TDRD15: variants seen among roughly 807,000 people sequenced by gnomAD.
TDRD15 encodes the protein tudor domain containing 15.
For missense variants in TDRD15, 1,416 were observed against 904.7 expected (o/e 1.57, Z -7.25); for synonymous variants, 503 against 314.5 (o/e 1.60, Z -6.34).
At position 21,137,465 on chromosome 2, in the gene TDRD15, A is replaced by C. The variant is rs1288448856; in HGVS notation, c.-3A>C. 1.6e-6 allele frequency: 1 copy of C among 622,398 alleles called. No individual in the cohort carries two copies. The highest frequency in any genetic ancestry group is 1.8e-5 in the African/African-American group (1 of 54,058). The allele number at this position is 622,398 out of a possible 1,614,324, so 38.6% of individuals were successfully genotyped here. A position where few individuals can be genotyped will look rare whatever the true frequency, so the allele number is the denominator to read the frequency against. ...TGAGTAATTATTATTTGCTTTTTAG[A>C]AAATGGATTCTACATCTTTCTTACC... On this transcript the variant is annotated splice_region_variant and 5_prime_UTR_variant, in exon 4 of 4. Coordinates refer to ENST00000405799, the MANE Select transcript of TDRD15 (RefSeq NM_001306137.2).
rs772697456 is a variant in TDRD15 at position 21,139,106 on chromosome 2, C to T, written c.1639C>T (p.Arg547Cys). 4.9e-5 allele frequency: 35 copies of T among 714,592 alleles called. No homozygotes were observed. Among genetic ancestry groups the T allele is most frequent in the Middle Eastern group, 2.3e-4 (1 of 4,350 alleles). The allele number at this position is 714,592 out of a possible 1,614,324, so 44.3% of individuals were successfully genotyped here. A position where few individuals can be genotyped will look rare whatever the true frequency, so the allele number is the denominator to read the frequency against. Residue 547 changes from arginine to cysteine, a missense_variant, in exon 4 of 4, where the codon CGT (arginine) becomes TGT (cysteine). Coordinates refer to ENST00000405799, the MANE Select transcript of TDRD15 (RefSeq NM_001306137.2). The stretch of plus-strand genomic sequence containing the variant: ...TTGTGCTAGATATAGCAAGGACAGA[C>T]GTTTTTACAGAGCTGTCATCACTGA... ...FCCARYSKDR[R>C]FYRAVITEIN...
At chr2:21,132,816 T>TGGTA (rs1052039478) in intron 2 of TDRD15, among the ~76,000 whole-genome samples, 1 of 152,178 alleles carries the variant, frequency 6.6e-6, no homozygotes, top group Non-Finnish European at 1.5e-5. Context: ...TTTATCTACC[T>TGGTA]GGTATTTATT....
intron 2 of TDRD15, among the ~76,000 whole-genome samples, chr2:21,128,130 C>T (rs564858577): frequency 6.6e-5 from 10 of 152,260 alleles, no homozygotes; most frequent in Non-Finnish European, 1.0e-4. Flanking sequence ...TATGAACTTT[C>T]ATTCTCCACG....
At position 21,142,214 on chromosome 2, in the gene TDRD15, G is replaced by A. The variant is rs1665949826; in HGVS notation, c.4747G>A (p.Ala1583Thr). 1 of 691,544 alleles carries A rather than the reference G, an allele frequency of 1.4e-6. No homozygotes were observed. Among genetic ancestry groups the A allele is most frequent in the Non-Finnish European group, 2.6e-6 (1 of 377,850 alleles). 42.8% of individuals were successfully genotyped at this position (691,544 alleles called of 1,614,324 possible). Residue 1583 changes from alanine (A) to threonine (T), a missense_variant, in exon 4 of 4, where the codon GCA (alanine) becomes ACA (threonine). By Grantham distance (58) the Ala-to-Thr change is moderately conservative (BLOSUM62 0). Coordinates refer to ENST00000405799, the MANE Select transcript of TDRD15 (RefSeq NM_001306137.2). ...ESIEKGLECL[A>T]KSKNTLKWHR... Reference sequence around the variant, plus strand: ...TATTGAAAAAGGTTTAGAATGCTTGGCAAAATCTAAAAATACCTTGAAATG... The same window carrying A: ...TATTGAAAAAGGTTTAGAATGCTTGACAAAATCTAAAAATACCTTGAAATG...
chr2:21,139,994 A>T lies in TDRD15; in HGVS notation c.2527A>T (p.Ile843Phe), dbSNP rs898454607. 6 of 715,778 alleles carry T rather than the reference A, an allele frequency of 8.4e-6. No individual in the cohort carries two copies. Among genetic ancestry groups the T allele is most frequent in the African/African-American group, 3.5e-5 (2 of 57,140 alleles). The allele number at this position is 715,778 out of a possible 1,614,324, so 44.3% of individuals were successfully genotyped here. A position where few individuals can be genotyped will look rare whatever the true frequency, so the allele number is the denominator to read the frequency against. Residue 843 changes from isoleucine to phenylalanine, a missense_variant, in exon 4 of 4, where the codon ATT becomes TTT. Coordinates refer to ENST00000405799, the MANE Select transcript of TDRD15 (RefSeq NM_001306137.2). ...VDYGYQKRVL[I>F]EDLCAINPRF... Reference sequence around the variant, plus strand: ...TTATGGTTACCAAAAAAGGGTTTTAATTGAAGATCTTTGTGCAATTAACCC... The same window carrying T: ...TTATGGTTACCAAAAAAGGGTTTTATTTGAAGATCTTTGTGCAATTAACCC...
chr2:21,138,649 G>A lies in TDRD15; in HGVS notation c.1182G>A (p.Glu394=), dbSNP rs1038936158. ...YAHIDWFNKD[E]CLYYVTLQTQ... ...ACATTGATTGGTTCAATAAGGATGAGTGTTTGTATTATGTGACATTACAAA... is the reference window on the plus strand; with the variant it reads ...ACATTGATTGGTTCAATAAGGATGAATGTTTGTATTATGTGACATTACAAA... Residue 394 remains glutamate (E), a synonymous_variant, in exon 4 of 4, where the codon GAG becomes GAA. Coordinates refer to ENST00000405799, the MANE Select transcript of TDRD15 (RefSeq NM_001306137.2). 5 of 714,802 alleles carry A rather than the reference G, an allele frequency of 7.0e-6. No homozygotes were observed. The South Asian group carries it at 7.4e-5, about 11-fold the overall frequency. The allele number at this position is 714,802 out of a possible 1,614,324, so 44.3% of individuals were successfully genotyped here.
Position 21,139,804 on chromosome 2 carries a change from A to G in TDRD15, c.2337A>G (p.Ser779=), listed in dbSNP as rs773086493. ...TTTCATGCCAGCTCCAATGTAAGTC[A>G]GAAGACCTAAAATTACTAATGGAGC... is the stretch of plus-strand genomic sequence containing the variant. The part of the protein sequence containing the change: ...GDFSCQLQCK[S]EDLKLLMEQI... Residue 779 remains serine, a synonymous_variant, in exon 4 of 4, where the codon TCA becomes TCG. Transcript: ENST00000405799. 2.2e-5 allele frequency: 16 copies of G among 715,354 alleles called. No individual in the cohort carries two copies. Among genetic ancestry groups the G allele is most frequent in the East Asian group, 5.4e-5 (2 of 37,268 alleles). The allele number at this position is 715,354 out of a possible 1,614,324, so 44.3% of individuals were successfully genotyped here.
At position 21,140,161 on chromosome 2, in the gene TDRD15, G is replaced by T; in HGVS notation, c.2694G>T (p.Leu898Phe). ...TTATCTCTTCATCTAGAGGGTTATT[G>T]ACTTGTATCATCTATGCCTTAGTTA... ...WNFISSSRGLLTCIIYALVII... is the reference protein window; with the variant it reads ...WNFISSSRGLFTCIIYALVII... Residue 898 changes from leucine (L) to phenylalanine (F), a missense_variant, in exon 4 of 4, where the codon TTG becomes TTT. Physicochemically the swap from Leu to Phe is conservative, Grantham distance 22. Transcript: ENST00000405799. 2.8e-6 allele frequency: 2 copies of T among 715,686 alleles called. No homozygotes were observed. Among genetic ancestry groups the T allele is most frequent in the South Asian group, 1.5e-5 (1 of 67,522 alleles). 44.3% of individuals were successfully genotyped at this position (715,686 alleles called of 1,614,324 possible).
chr2:21,126,147 C>T (rs1318170716), intron 1 of TDRD15, among the ~76,000 whole-genome samples: 1 of 152,104 alleles, frequency 6.6e-6, no homozygotes, highest in Non-Finnish European at 1.5e-5. Context: ...TAAACGACAT[C>T]GTAAGCATAT....
At chr2:21,127,538 T>C (rs1220312518) in intron 1 of TDRD15, 63 bp from the exon 2 acceptor site, 3 of 152,218 alleles carry the variant, frequency 2.0e-5, no homozygotes, top group Non-Finnish European at 4.4e-5. Context: ...TGTTACAGCA[T>C]CATTTGTCGA....
chr2:21,138,318 A>G lies in TDRD15; in HGVS notation c.851A>G (p.Glu284Gly). 1 of 716,584 alleles carries G rather than the reference A, an allele frequency of 1.4e-6. No individual in the cohort carries two copies. The highest frequency in any genetic ancestry group is 2.0e-5 in the Admixed American group (1 of 49,948). The allele number at this position is 716,584 out of a possible 1,614,324, so 44.4% of individuals were successfully genotyped here. A position where few individuals can be genotyped will look rare whatever the true frequency, so the allele number is the denominator to read the frequency against. The change falls in exon 4 of 4, where the codon GAA (glutamate) becomes GGA (glycine). Residue 284 changes from glutamate to glycine, a missense_variant. Physicochemically the swap from Glu to Gly is moderately conservative, Grantham distance 98. Coordinates refer to ENST00000405799, the MANE Select transcript of TDRD15 (RefSeq NM_001306137.2). ...MTLHYDTVCQETSPTCDNFGL... is the reference protein window; with the variant it reads ...MTLHYDTVCQGTSPTCDNFGL... ...TTGCATTATGATACCGTCTGTCAAG[A>G]AACTAGTCCCACGTGTGATAATTTT...
chr2:21,129,990 G>A (rs191492706), intron 2 of TDRD15, among the ~76,000 whole-genome samples: 1 of 152,128 alleles, frequency 6.6e-6, no homozygotes, highest in African/African-American at 2.4e-5. Context: ...GCTAGTTCAA[G>A]TCCTTCCTCT....
Position 21,138,254 on chromosome 2 carries a change from T to G in TDRD15, c.787T>G (p.Trp263Gly). The change falls in exon 4 of 4, where the codon TGG becomes GGG. Residue 263 changes from tryptophan to glycine, a missense_variant. Transcript: ENST00000405799. ...TAAATTTTATTGTCAGTTAATTAAA[T>G]GGACTCCAGAGCTAGAAAACTTGAC... ...PSKFYCQLIK[W>G]TPELENLTAH... is the part of the protein sequence containing the mutation. 4.2e-6 allele frequency: 3 copies of G among 716,006 alleles called. No homozygotes were observed. In the East Asian group the frequency reaches 8.0e-5, roughly 19 times the overall value. The allele number at this position is 716,006 out of a possible 1,614,324, so 44.4% of individuals were successfully genotyped here. A position where few individuals can be genotyped will look rare whatever the true frequency, so the allele number is the denominator to read the frequency against.
intron 3 of TDRD15, 102 bp from the exon 4 acceptor site, chr2:21,137,361 AAT>A: frequency 2.1e-6 from 1 of 484,218 alleles, no homozygotes; most frequent in Non-Finnish European, 3.7e-6. Context: ...AATTTGATAA[AAT>A]ACAGGCATAT....
chr2:21,136,429 G>A (rs1665808203), intron 3 of TDRD15, among the ~76,000 whole-genome samples: 1 of 151,852 alleles, frequency 6.6e-6, no homozygotes, highest in African/African-American at 2.4e-5. Flanking sequence ...CAGTTGTTAT[G>A]TTTTCACCTT....
chr2:21,125,571 T>C (rs1665572915), intron 1 of TDRD15, among the ~76,000 whole-genome samples: 1 of 152,030 alleles, frequency 6.6e-6, no homozygotes, highest in East Asian at 1.9e-4. Flanking sequence ...TGGAGGTGTT[T>C]TTCCGAAGAA....
In TDRD15 at chr2:21,137,911, A is replaced by G. The variant is rs878913029; in HGVS notation, c.444A>G (p.Val148=). The change falls in exon 4 of 4, where the codon GTA becomes GTG. Residue 148 remains valine, a synonymous_variant. Coordinates refer to ENST00000405799, the MANE Select transcript of TDRD15 (RefSeq NM_001306137.2). ...CTTTGAATTATTTCAAGTCATTAGTAGGAATACAAGTGAAAGGTTATGTGC... is the reference window on the plus strand; with the variant it reads ...CTTTGAATTATTTCAAGTCATTAGTGGGAATACAAGTGAAAGGTTATGTGC... ...PKALNYFKSL[V]GIQVKGYVQA... 1.4e-6 allele frequency: 1 copy of G among 716,410 alleles called. No individual in the cohort carries two copies. Among genetic ancestry groups the G allele is most frequent in the South Asian group, 1.5e-5 (1 of 67,452 alleles). 44.4% of individuals were successfully genotyped at this position (716,410 alleles called of 1,614,324 possible).
In TDRD15 at chr2:21,143,665, C is replaced by A. The variant is rs778403307; in HGVS notation, c.*393C>A. ...AACATTGCATGATAATAAAAAAAAA[C>A]ACAGAACACTTAAAAGGTAAACAGA... is the stretch of plus-strand genomic sequence containing the variant. On this transcript the variant is annotated 3_prime_UTR_variant, in exon 4 of 4. Coordinates refer to ENST00000405799, the MANE Select transcript of TDRD15 (RefSeq NM_001306137.2). 1.3e-5 allele frequency among the ~76,000 whole-genome samples: 2 copies of A among 151,372 alleles called. No homozygotes were observed. The highest frequency in any genetic ancestry group is 2.4e-5 in the African/African-American group (1 of 41,316).
At chr2:21,131,547 T>C (rs747991386) in intron 2 of TDRD15, among the ~76,000 whole-genome samples, 6 of 152,208 alleles carry the variant, frequency 3.9e-5, no homozygotes, top group Non-Finnish European at 7.3e-5. Flanking sequence ...ACTACGTATC[T>C]GTGTATAGCT....
Sources: gnomAD v4.1 joint callset for allele counts (sites outside exome capture counted in the v4.1 genomes callset) on GRCh38, gnomAD v4.1.1 for gene constraint, MANE v1.5 for transcripts, NCBI Gene and HGNC (gene_info 2026-07-23, HGNC 2026-07-21) for gene names.